TPRG1: variants seen among roughly 807,000 people sequenced by gnomAD.
TPRG1 encodes tumor protein p63 regulated 1, also known as tumor protein p63-regulated gene 1 protein.
A neutral mutation model predicts 29.3 loss-of-function variants in TPRG1; 29 were observed. The observed-to-expected ratio is 0.99, with a 90% CI of 0.74 to 1.35. TPRG1 has a LOEUF of 1.35. TPRG1 is among the 40% of genes most tolerant of loss of function. The probability of loss-of-function intolerance (pLI) is 0.00; values close to 1 mark genes in which losing one functional copy is unlikely to be tolerated. For missense variants in TPRG1, 327 were observed against 335.0 expected, an observed-to-expected ratio of 0.98 and a Z score of 0.19; for synonymous variants, 130 against 116.8, an observed-to-expected ratio of 1.11 and a Z score of -0.73.
exon 3 of TPRG1, chr3:189,132,558 G>A (rs982792291): frequency 2.0e-5 from 3 of 152,154 alleles, no homozygotes; most frequent in African/African-American, 2.4e-5. Context: ...ATTGCAGCCC[G>A]ACCGCAAAAA....
intron 3 of TPRG1, among the ~76,000 whole-genome samples, chr3:189,235,285 A>G (rs1739291222): frequency 6.7e-6 from 1 of 148,486 alleles, no homozygotes; most frequent in Admixed American, 6.8e-5. Flanking sequence ...AGGCAGCAAG[A>G]GTATATGTAA....
chr3:189,180,269 T>C (rs1730039597), intron 1 of TPRG1, among the ~76,000 whole-genome samples: 1 of 152,128 alleles, frequency 6.6e-6, no homozygotes, highest in Admixed American at 6.5e-5. Flanking sequence ...AAATCTCATG[T>C]TCTCACATTT....
chr3:189,081,985 A>G (rs910245513), intron 4 of TPRG1, among the ~76,000 whole-genome samples: 1 of 152,194 alleles, frequency 6.6e-6, no homozygotes, highest in Admixed American at 6.5e-5. Flanking sequence ...TCACTAAGGA[A>G]GAGTTGGGGG....
At chr3:189,150,616 T>A (rs564784992) in intron 4 of TPRG1, 1 of 152,342 alleles carries the variant, frequency 6.6e-6, no homozygotes, top group South Asian at 2.1e-4. Flanking sequence ...AGGATCACAA[T>A]ACATGATCAA....
intron 4 of TPRG1, among the ~76,000 whole-genome samples, chr3:189,066,251 T>A (rs192916318): frequency 8.5e-5 from 13 of 152,240 alleles, no homozygotes; most frequent in Non-Finnish European, 1.9e-4. Context: ...AAAGAAGAAC[T>A]AATATCAATC....
intron 3 of TPRG1, among the ~76,000 whole-genome samples, chr3:189,232,807 T>C (rs1007416839): frequency 6.6e-6 from 1 of 152,154 alleles, no homozygotes; most frequent in Non-Finnish European, 1.5e-5. Flanking sequence ...AGGAACCAAA[T>C]GACTGAAAGA....
chr3:189,157,112 G>A (rs1726791176), intron 5 of TPRG1, among the ~76,000 whole-genome samples: 1 of 152,170 alleles, frequency 6.6e-6, no homozygotes, highest in African/African-American at 2.4e-5. Flanking sequence ...TTCCCCATTT[G>A]TAAATTGAGA....
chr3:189,216,715 A>G (rs559712272), intron 3 of TPRG1, among the ~76,000 whole-genome samples: 4 of 152,260 alleles, frequency 2.6e-5, no homozygotes, highest in South Asian at 4.1e-4. Flanking sequence ...TATACTATCC[A>G]TCTCTGTCAT....
chr3:189,029,050 A>C (rs1017900185), intron 4 of TPRG1, among the ~76,000 whole-genome samples: 2 of 151,994 alleles, frequency 1.3e-5, no homozygotes, highest in African/African-American at 4.8e-5. Context: ...GTAATTTAGT[A>C]GGTTGAAAGT....
chr3:189,190,894 C>A, intron 1 of TPRG1: 1 of 905,578 alleles, frequency 1.1e-6, no homozygotes, highest in Non-Finnish European at 1.3e-6. Context: ...CATACATTTA[C>A]AGAAAGGCTG....
At chr3:189,205,359 A>T (rs187866939) in intron 1 of TPRG1, among the ~76,000 whole-genome samples, 1 of 152,366 alleles carries the variant, frequency 6.6e-6, no homozygotes, top group African/African-American at 2.4e-5. Flanking sequence ...CAGGGTGAAC[A>T]TATATATAGA....
intron 4 of TPRG1, among the ~76,000 whole-genome samples, chr3:189,308,526 G>A (rs1721968025): frequency 6.6e-6 from 1 of 152,158 alleles, no homozygotes; most frequent in Admixed American, 6.5e-5. Context: ...AATCTTCCTA[G>A]TTTTCACCTC....
chr3:189,125,690 A>C (rs985882946), intron 1 of TPRG1, among the ~76,000 whole-genome samples: 12 of 152,124 alleles, frequency 7.9e-5, no homozygotes, highest in Non-Finnish European at 1.6e-4. Flanking sequence ...GGATTCTGCC[A>C]GCTCAGGGGC....
chr3:189,204,391 A>T (rs1471262645), intron 1 of TPRG1, among the ~76,000 whole-genome samples: 2 of 152,136 alleles, frequency 1.3e-5, no homozygotes, highest in Non-Finnish European at 2.9e-5. Context: ...GAATGTGTAG[A>T]TGTGCAGCAC....
intron 3 of TPRG1, among the ~76,000 whole-genome samples, chr3:189,218,367 C>T (rs1436506168): frequency 6.6e-6 from 1 of 152,124 alleles, no homozygotes; most frequent in Non-Finnish European, 1.5e-5. Context: ...CCGCCTGCCT[C>T]GGCCTCCCAA....
chr3:189,276,622 G>T (rs550128725), intron 4 of TPRG1, among the ~76,000 whole-genome samples: 1 of 152,220 alleles, frequency 6.6e-6, no homozygotes, highest in Non-Finnish European at 1.5e-5. Flanking sequence ...ATGTCTAAGG[G>T]ATTTCATTTT....
intron 4 of TPRG1, among the ~76,000 whole-genome samples, chr3:189,281,779 A>G (rs1717174152): frequency 6.6e-6 from 1 of 152,170 alleles, no homozygotes; most frequent in African/African-American, 2.4e-5. Flanking sequence ...CATGTTTTCC[A>G]TCTCAAGGCA....
chr3:189,080,205 A>G, intron 4 of TPRG1, among the ~76,000 whole-genome samples: 1 of 152,204 alleles, frequency 6.6e-6, no homozygotes, highest in East Asian at 1.9e-4. Context: ...GGATCTTTAA[A>G]TAGAGTGAGT....
At chr3:189,297,433 G>C (rs932111660) in intron 4 of TPRG1, among the ~76,000 whole-genome samples, 1 of 152,074 alleles carries the variant, frequency 6.6e-6, no homozygotes, top group Non-Finnish European at 1.5e-5. Flanking sequence ...CCCGCGGCCT[G>C]AGGAGCCCTC....
Sources: gnomAD v4.1 joint callset for allele counts (sites outside exome capture counted in the v4.1 genomes callset) on GRCh38, gnomAD v4.1.1 for gene constraint, MANE v1.5 for transcripts, NCBI Gene and HGNC (gene_info 2026-07-23, HGNC 2026-07-21) for gene names.